The following NUP210 variants were observed in gnomAD, a reference collection of about 807,000 sequenced individuals.
The protein encoded by NUP210 is nuclear pore membrane glycoprotein 210.
A neutral mutation model predicts 196.0 loss-of-function variants in NUP210; 151 were observed. That is an observed-to-expected ratio of 0.77 (90% CI 0.67 to 0.88). The LOEUF (loss-of-function observed/expected upper bound fraction) is 0.88. Among genes scored for constraint, NUP210 ranks in the 40% least tolerant of loss-of-function variants. The pLI is 0.00. For synonymous variants in NUP210, 1,070 were observed against 1,052.7 expected, an observed-to-expected ratio of 1.02 and a Z score of -0.32; for missense variants, 2,314 against 2,493.7, an observed-to-expected ratio of 0.93 and a Z score of 1.53.
At position 13,392,254 on chromosome 3, in the gene NUP210, C is replaced by T. The variant is rs180863821; in HGVS notation, c.437-947G>A. On this transcript the variant is annotated intron_variant, in intron 3 of 39. Transcript: ENST00000254508. ...TGGCCCTGCAAGGTCTCAAAGACTG[C>T]ATGAAATAGTGCCTAGCAGAAGCTC... 5.3e-5 allele frequency among the ~76,000 whole-genome samples: 8 copies of T among 152,332 alleles called. No homozygotes were observed. The East Asian group carries it at 1.5e-3, about 29-fold the overall frequency.
intron 18 of NUP210, among the ~76,000 whole-genome samples, chr3:13,353,078 C>T (rs1201436318): frequency 3.3e-5 from 5 of 152,124 alleles, no homozygotes; most frequent in Non-Finnish European, 7.4e-5. Flanking sequence ...GGTATAGGCA[C>T]AGGTGTGCCC....
chr3:13,361,191 GT>G (rs2124893685), intron 14 of NUP210, among the ~76,000 whole-genome samples: 1 of 152,318 alleles, frequency 6.6e-6, no homozygotes, highest in East Asian at 1.9e-4. Flanking sequence ...TTTGCACCAC[GT>G]ATGCACGAGC....
At position 13,347,983 on chromosome 3, in the gene NUP210, C is replaced by T. The variant is rs1477544396; in HGVS notation, c.2835+3896G>A. Among the ~76,000 whole-genome samples, 1 of 152,170 alleles carries T rather than the reference C, an allele frequency of 6.6e-6. No homozygotes were observed. Among genetic ancestry groups the T allele is most frequent in the African/African-American group, 2.4e-5 (1 of 41,440 alleles). On this transcript the variant is annotated intron_variant, in intron 20 of 39. Transcript: ENST00000254508. This position sits in a 1 kb window ranked among gnomAD's most constrained non-coding sequence, Gnocchi z 4.7. ...AGGAAACTTCTGGACCAGAGCAGTT[C>T]GCAGGGCCTGTGGCACGGGCTGCTG... is the stretch of plus-strand genomic sequence containing the variant.
intron 5 of NUP210, among the ~76,000 whole-genome samples, chr3:13,387,834 G>A (rs1186717242): frequency 6.6e-6 from 1 of 151,022 alleles, no homozygotes; most frequent in African/African-American, 2.4e-5. Flanking sequence ...GGATCGGCTG[G>A]GGCAGGGGGT....
chr3:13,405,631 T>A (rs1699982305), intron 1 of NUP210, among the ~76,000 whole-genome samples: 2 of 151,674 alleles, frequency 1.3e-5, no homozygotes, highest in South Asian at 4.2e-4. Context: ...TCAGGGAGGG[T>A]ATAAGAAATG....
intron 3 of NUP210, among the ~76,000 whole-genome samples, chr3:13,392,358 T>C (rs1699519002): frequency 6.6e-6 from 1 of 152,202 alleles, no homozygotes; most frequent in Middle Eastern, 3.2e-3. Context: ...TCCCTGGGTG[T>C]CTTTCCGTCA....
At position 13,347,451 on chromosome 3, in the gene NUP210, G is replaced by A. The variant is rs567151691; in HGVS notation, c.2836-4148C>T. On this transcript the variant is annotated intron_variant, in intron 20 of 39. Transcript: ENST00000254508. This position sits in a 1 kb window ranked among gnomAD's most constrained non-coding sequence, Gnocchi z 4.7. Reference sequence around the variant, plus strand: ...AAACACTCCTATGTGCAAACCAGCCGAAAACAAAATAAAGGCCCTTACAGA... The same window carrying A: ...AAACACTCCTATGTGCAAACCAGCCAAAAACAAAATAAAGGCCCTTACAGA... The A allele has an allele frequency of 5.6e-4, 298 of 531,474 alleles. No individual in the cohort carries two copies. Among genetic ancestry groups the A allele is most frequent in the East Asian group, 2.4e-3 (16 of 6,792 alleles). 32.9% of individuals were successfully genotyped at this position (531,474 alleles called of 1,614,324 possible).
intron 8 of NUP210, among the ~76,000 whole-genome samples, 181 bp downstream of exon 8, chr3:13,378,731 C>T (rs558816626): frequency 6.6e-6 from 1 of 152,366 alleles, no homozygotes; most frequent in African/African-American, 2.4e-5. Flanking sequence ...GCTCATTCTA[C>T]CTATTTCTAC....
chr3:13,343,720 A>C (rs1576365200), intron 20 of NUP210, among the ~76,000 whole-genome samples: 1 of 152,204 alleles, frequency 6.6e-6, no homozygotes, highest in South Asian at 2.1e-4. Flanking sequence ...TGAGCTGGCC[A>C]CCTGCTGCTG....
intron 2 of NUP210, among the ~76,000 whole-genome samples, chr3:13,397,817 G>C (rs983070738): frequency 6.6e-6 from 1 of 152,250 alleles, no homozygotes; most frequent in African/African-American, 2.4e-5. Context: ...AGTATGATGA[G>C]TTCCCATCCC....
chr3:13,347,380 T>G lies in NUP210; in HGVS notation c.2836-4077A>C. Reference sequence around the variant, plus strand: ...TTCCGCCTAGAGGACTTGATTGAAATGTAAAGAATCGTTGAAAAGAAGGAA... The same window carrying G: ...TTCCGCCTAGAGGACTTGATTGAAAGGTAAAGAATCGTTGAAAAGAAGGAA... On this transcript the variant is annotated intron_variant, in intron 20 of 39. Transcript: ENST00000254508. The surrounding 1 kb of genome is among the most constrained non-coding windows in gnomAD (Gnocchi z 4.7). 1 of 964,554 alleles carries G rather than the reference T, an allele frequency of 1.0e-6. No homozygotes were observed. The highest frequency in any genetic ancestry group is 5.3e-4 in the Middle Eastern group (1 of 1,884). 59.7% of individuals were successfully genotyped at this position (964,554 alleles called of 1,614,324 possible). A position where few individuals can be genotyped will look rare whatever the true frequency, so the allele number is the denominator to read the frequency against.
At chr3:13,328,982 T>C in intron 30 of NUP210, 36 bp from the exon 31 acceptor site, 1 of 1,591,476 alleles carries the variant, frequency 6.3e-7, no homozygotes, top group Non-Finnish European at 8.6e-7. Context: ...GAGGATTCAG[T>C]GCCAGGGACT....
chr3:13,355,077 C>A (rs1698122518), intron 16 of NUP210, among the ~76,000 whole-genome samples: 1 of 152,226 alleles, frequency 6.6e-6, no homozygotes, highest in Non-Finnish European at 1.5e-5. Context: ...GTTATGAACT[C>A]CCTGAGCCTC....
At chr3:13,343,324 T>TGGGGGGGGGGG in intron 20 of NUP210, 21 bp from the exon 21 acceptor site, 4 of 211,904 alleles carry the variant, frequency 1.9e-5, no homozygotes, top group Admixed American at 6.6e-5. Context: ...GGGGCGGAGG[T>TGGGGGGGGGGG]GGAGGGGTGG....
At position 13,317,733 on chromosome 3, in the gene NUP210, C is replaced by G. The variant is rs139022956; in HGVS notation, c.5612G>C (p.Arg1871Pro). ...CAGCCCTGAGGGAGGGCTGGCTTTG[C>G]GAGCAGGAGGCAATGCATTGGGAGA... ...PTSPNALPPA[R>P]KASPPSGLWS... Residue 1871 changes from arginine to proline, a missense_variant, in exon 40 of 40, where the codon CGC becomes CCC. Transcript: ENST00000254508. The G allele has an allele frequency of 6.2e-7, 1 of 1,611,738 alleles. No homozygotes were observed. Among genetic ancestry groups the G allele is most frequent in the South Asian group, 1.1e-5 (1 of 90,390 alleles).
chr3:13,318,962 C>T (rs1696386990), intron 39 of NUP210, 110 bp downstream of exon 39: 1 of 1,098,486 alleles, frequency 9.1e-7, no homozygotes, highest in Non-Finnish European at 1.3e-6. Context: ...CTCCTTTGGC[C>T]CAGGCAAGGG....
Position 13,316,464 on chromosome 3 carries a change from G to C in NUP210, c.*1217C>G, listed in dbSNP as rs1022118539. 5 of 152,294 alleles carry C rather than the reference G, an allele frequency of 3.3e-5. No homozygotes were observed. Among genetic ancestry groups the C allele is most frequent in the African/African-American group, 4.8e-5 (2 of 41,462 alleles). The allele number at this position is 152,294 out of a possible 1,614,324, so 9.4% of individuals were successfully genotyped here. A position where few individuals can be genotyped will look rare whatever the true frequency, so the allele number is the denominator to read the frequency against. On this transcript the variant is annotated 3_prime_UTR_variant, in exon 40 of 40. Coordinates refer to ENST00000254508, the MANE Select transcript of NUP210 (RefSeq NM_024923.4). ...CACGCATGGATGGCCATGGGCATGA[G>C]TCTCTGGATCTCCCTGAGGGTAGCC...
intron 20 of NUP210, among the ~76,000 whole-genome samples, chr3:13,344,555 T>A (rs1304842895): frequency 2.0e-5 from 3 of 152,086 alleles, no homozygotes; most frequent in Admixed American, 6.6e-5. Flanking sequence ...TAAAAATAAA[T>A]AAAATAAAAA....
chr3:13,358,315 G>C lies in NUP210; in HGVS notation c.2235C>G (p.Val745=). ...GGGTGAGCCTGGACGGTGGGGCGCAGACGAACTTCACCACGGCAGGCTCCA... is the reference window on the plus strand; with the variant it reads ...GGGTGAGCCTGGACGGTGGGGCGCACACGAACTTCACCACGGCAGGCTCCA... ...PAVEPAVVKF[V]CAPPSRLTLA... The change falls in exon 16 of 40, where the codon GTC becomes GTG. Residue 745 remains valine (V), a synonymous_variant. Transcript: ENST00000254508. The C allele has an allele frequency of 1.9e-6, 3 of 1,613,938 alleles. No homozygotes were observed. The highest frequency in any genetic ancestry group is 2.5e-6 in the Non-Finnish European group (3 of 1,179,932).
Sources: allele counts gnomAD v4.1 joint callset (sites outside exome capture counted in the v4.1 genomes callset), GRCh38; gene constraint gnomAD v4.1.1; non-coding constraint Gnocchi (gnomAD v3.1); transcripts MANE v1.5; gene names NCBI Gene and HGNC (gene_info 2026-07-23, HGNC 2026-07-21).